The following SAMD4A variants were observed in gnomAD, a reference collection of about 807,000 sequenced individuals.
SAMD4A encodes the protein sterile alpha motif domain containing 4A.
A neutral mutation model predicts 81.3 loss-of-function variants in SAMD4A; 33 were observed. The observed-to-expected ratio is 0.41, with a 90% confidence interval of 0.31 to 0.54. SAMD4A has a LOEUF of 0.54. Ranked by LOEUF, SAMD4A falls within the 20% of genes least tolerant of loss-of-function variation. The pLI, the probability that SAMD4A is intolerant of heterozygous loss-of-function variation, is 0.37. For missense variants in SAMD4A, 854 were observed against 951.1 expected (o/e 0.90, Z 1.34); for synonymous variants, 389 against 382.1 (o/e 1.02, Z -0.21).
chr14:54,755,481 G>A (rs893173480), intron 6 of SAMD4A, among the ~76,000 whole-genome samples: 6 of 152,150 alleles, frequency 3.9e-5, no homozygotes, highest in Non-Finnish European at 8.8e-5. Flanking sequence ...GAGGAGCACC[G>A]TAAGATATGG....
intron 2 of SAMD4A, among the ~76,000 whole-genome samples, chr14:54,595,152 T>A (rs2033878536): frequency 6.6e-6 from 1 of 152,150 alleles, no homozygotes; most frequent in Non-Finnish European, 1.5e-5. Flanking sequence ...TCTGACGACA[T>A]CTCTCTCAGC....
Position 54,702,265 on chromosome 14 carries a change from G to A in SAMD4A, c.400G>A (p.Ala134Thr). 6.2e-7 allele frequency: 1 copy of A among 1,614,194 alleles called. No homozygotes were observed. Among genetic ancestry groups the A allele is most frequent in the Non-Finnish European group, 8.5e-7 (1 of 1,180,022 alleles). ...QLLSYALIHP[A>T]TSLEDRSALA... ...GCTGTCCTATGCTTTGATACATCCA[G>A]CCACTTCGTTAGAAGACCGTAGTGC... Residue 134 changes from alanine (A) to threonine (T), a missense_variant, in exon 3 of 13, where the codon GCC (alanine) becomes ACC (threonine). This residue lies in a region of SAMD4A where 387 missense variants were observed against 405.8 expected (regional missense o/e 0.95). Transcript: ENST00000554335.
chr14:54,694,906 C>T, intron 2 of SAMD4A: 1 of 985,476 alleles, frequency 1.0e-6, no homozygotes, highest in Non-Finnish European at 1.2e-6. Flanking sequence ...GAAGAAATGA[C>T]CAGATCTCTA....
At chr14:54,673,172 A>G (rs1251639793) in intron 2 of SAMD4A, among the ~76,000 whole-genome samples, 2 of 152,210 alleles carry the variant, frequency 1.3e-5, no homozygotes, top group African/African-American at 4.8e-5. Flanking sequence ...TTCTTTATCC[A>G]TCATATCCTT....
At chr14:54,664,611 CTCT>C (rs1295416820) in intron 2 of SAMD4A, among the ~76,000 whole-genome samples, 1 of 151,970 alleles carries the variant, frequency 6.6e-6, no homozygotes, top group Admixed American at 6.6e-5. Flanking sequence ...CCCACCCCCT[CTCT>C]TCTTCTCTCT....
At chr14:54,597,474 C>T (rs1261145866) in intron 2 of SAMD4A, among the ~76,000 whole-genome samples, 3 of 151,748 alleles carry the variant, frequency 2.0e-5, no homozygotes, top group Non-Finnish European at 1.5e-5. Context: ...AGGGTTTCTC[C>T]ATGTTGGTCA....
At chr14:54,618,326 A>G (rs1412858261) in intron 2 of SAMD4A, among the ~76,000 whole-genome samples, 1 of 152,206 alleles carries the variant, frequency 6.6e-6, no homozygotes, top group East Asian at 1.9e-4. Flanking sequence ...GGAAATTGGC[A>G]TATGCTACAA....
At chr14:54,615,894 C>G (rs1460016368) in intron 2 of SAMD4A, among the ~76,000 whole-genome samples, 1 of 151,956 alleles carries the variant, frequency 6.6e-6, no homozygotes, top group Admixed American at 6.6e-5. Flanking sequence ...CCCTCCCCCC[C>G]GATAGAAGAC....
chr14:54,684,237 C>T (rs1594806560), intron 2 of SAMD4A, among the ~76,000 whole-genome samples: 1 of 152,102 alleles, frequency 6.6e-6, no homozygotes, highest in African/African-American at 2.4e-5. Flanking sequence ...AAATATTTAC[C>T]GAGTTAGTGA....
chr14:54,726,389 G>C (rs546405885), intron 3 of SAMD4A, among the ~76,000 whole-genome samples: 1 of 152,256 alleles, frequency 6.6e-6, no homozygotes, highest in East Asian at 1.9e-4. Context: ...GTGCAAGAGT[G>C]ATCAACCCTG....
chr14:54,624,376 G>GCT (rs1213918964), intron 2 of SAMD4A, among the ~76,000 whole-genome samples: 4 of 152,208 alleles, frequency 2.6e-5, no homozygotes, highest in Non-Finnish European at 5.9e-5. Context: ...TCACGGAAGG[G>GCT]CTCTGTATAT....
In SAMD4A at chr14:54,760,449, C is replaced by T. The variant is rs1594908060; in HGVS notation, c.1465C>T (p.Pro489Ser). The T allele has an allele frequency of 1.4e-6, 2 of 1,426,348 alleles. No homozygotes were observed. The highest frequency in any genetic ancestry group is 3.0e-5 in the African/African-American group (2 of 66,530). 88.4% of individuals were successfully genotyped at this position (1,426,348 alleles called of 1,614,324 possible). ...CDGELAVAPL[P>S]EGDLPGQFTR... is the part of the protein sequence containing the mutation. ...TGGGGAGCTGGCCGTCGCCCCCCTG[C>T]CAGAGGGGGACCTCCCCGGGCAGTT... Residue 489 changes from proline (P) to serine (S), a missense_variant, in exon 7 of 13, where the codon CCA becomes TCA. Pro to Ser is a moderately conservative substitution (Grantham distance 74). Around this residue, in one of 3 missense-constraint regions of SAMD4A, gnomAD observed 428 missense variants for 471.2 expected, o/e 0.91. Coordinates refer to ENST00000554335, the MANE Select transcript of SAMD4A (RefSeq NM_015589.6).
At chr14:54,661,964 G>C (rs2035651689) in intron 2 of SAMD4A, among the ~76,000 whole-genome samples, 1 of 152,178 alleles carries the variant, frequency 6.6e-6, no homozygotes, top group Admixed American at 6.5e-5. Flanking sequence ...TGTTGAGCAG[G>C]TATTGAGATT....
intron 2 of SAMD4A, among the ~76,000 whole-genome samples, chr14:54,629,679 C>T (rs1951952): frequency 0.68 from 103,863 of 151,900 alleles, 35,699 homozygotes; most frequent in East Asian, 0.88. Context: ...TTTTCAATTG[C>T]GGTAAAATAC....
chr14:54,663,426 GT>G (rs75643956), intron 2 of SAMD4A, among the ~76,000 whole-genome samples: 5 of 152,176 alleles, frequency 3.3e-5, no homozygotes, highest in African/African-American at 9.6e-5. Flanking sequence ...AGGGATTAAA[GT>G]TTTTTAGTCA....
chr14:54,748,715 A>T, intron 4 of SAMD4A, 100 bp from the exon 5 acceptor site: 4 of 763,552 alleles, frequency 5.2e-6, no homozygotes, highest in Admixed American at 5.2e-5. Context: ...TTTTCCTTTG[A>T]CCATCACCCT....
intron 3 of SAMD4A, among the ~76,000 whole-genome samples, chr14:54,705,033 A>G (rs1007054677): frequency 6.6e-6 from 1 of 152,218 alleles, no homozygotes; most frequent in Non-Finnish European, 1.5e-5. Flanking sequence ...CAGCTTGGCC[A>G]AGTAATTTAA....
In SAMD4A at chr14:54,760,285, C is replaced by A. The variant is rs561687825; in HGVS notation, c.1301C>A (p.Ala434Asp). Residue 434 changes from alanine to aspartate, a missense_variant, in exon 7 of 13, where the codon GCC becomes GAC. By Grantham distance (126) the Ala-to-Asp change is moderately radical. This residue lies in a region of SAMD4A where 428 missense variants were observed against 471.2 expected (regional missense o/e 0.91). Transcript: ENST00000554335. ...TPEARRREPQ[A>D]PRQPSLMGPE... ...GAGGCTCGCCGCCGGGAGCCCCAGG[C>A]CCCGCGTCAGCCCTCACTGATGGGC... 10 of 1,612,060 alleles carry A rather than the reference C, an allele frequency of 6.2e-6. No individual in the cohort carries two copies. The highest frequency in any genetic ancestry group is 1.7e-4 in the Middle Eastern group (1 of 6,060).
At chr14:54,765,460 G>GAAAA (rs11408246) in intron 8 of SAMD4A, among the ~76,000 whole-genome samples, 1 of 119,404 alleles carries the variant, frequency 8.4e-6, no homozygotes, top group Non-Finnish European at 1.8e-5. Flanking sequence ...CTGTCACTAC[G>GAAAA]AAAAAAAAAA....
Sources: gnomAD v4.1 joint callset for allele counts (sites outside exome capture counted in the v4.1 genomes callset) on GRCh38, gnomAD v4.1.1 for gene constraint, gnomAD v4.1.1 regional missense constraint, MANE v1.5 for transcripts, NCBI Gene and HGNC (gene_info 2026-07-23, HGNC 2026-07-21) for gene names.